Variants in CLDN14 observed in about 807,000 individuals in gnomAD.
CLDN14 encodes the protein claudin 14, also known as claudin-14.
In CLDN14, 2 loss-of-function variants were observed where a neutral mutation model predicts 2.1. That is an observed-to-expected ratio of 0.96 (90% CI 0.39 to 3.01). The LOEUF is 3.01. Among genes scored for constraint, CLDN14 ranks in the 30% most tolerant of loss-of-function variants. CLDN14 has a pLI of 0.09. For missense variants in CLDN14, 298 were observed against 328.0 expected, an observed-to-expected ratio of 0.91 and a Z score of 0.71; for synonymous variants, 136 against 154.4, an observed-to-expected ratio of 0.88 and a Z score of 0.88.
chr21:36,547,599 G>A (rs1042036851), intron 1 of CLDN14, among the ~76,000 whole-genome samples: 4 of 152,154 alleles, frequency 2.6e-5, no homozygotes, highest in Non-Finnish European at 5.9e-5. Flanking sequence ...TCAATTGTTC[G>A]AGAGCGAAGT....
chr21:36,510,985 C>T (rs1421610712), intron 1 of CLDN14, among the ~76,000 whole-genome samples: 1 of 152,230 alleles, frequency 6.6e-6, no homozygotes, highest in East Asian at 1.9e-4. Flanking sequence ...TCTACCTTCT[C>T]TATTGCCAGC....
intron 1 of CLDN14, among the ~76,000 whole-genome samples, chr21:36,523,372 C>G (rs6517359): frequency 0.8 from 121,080 of 152,128 alleles, 49,162 homozygotes; most frequent in Middle Eastern, 0.91. Flanking sequence ...TTCCCCCAAA[C>G]TTTTGCAAAC....
intron 1 of CLDN14, among the ~76,000 whole-genome samples, chr21:36,550,161 C>T (rs2087553431): frequency 6.6e-6 from 1 of 152,136 alleles, no homozygotes; most frequent in Non-Finnish European, 1.5e-5. Flanking sequence ...TTTCTAAATG[C>T]CCCAGAGTAC....
At chr21:36,526,582 CT>C (rs1445700163) in intron 1 of CLDN14, 1 of 152,166 alleles carries the variant, frequency 6.6e-6, no homozygotes, top group Admixed American at 6.5e-5. Flanking sequence ...CCAGTAGAAC[CT>C]GCTGGGATGT....
At position 36,544,071 on chromosome 21, in the gene CLDN14, C is replaced by T. The variant is rs775776265; in HGVS notation, c.-220+32340G>A. ...CTGCACTGGCTGAATTGCTAGCAGC[C>T]GGGTTTCAATTTGGGGACCCAATGG... is the stretch of plus-strand genomic sequence containing the variant. On this transcript the variant is annotated intron_variant, in intron 1 of 2. Transcript: ENST00000342108. This position sits in a 1 kb window ranked among gnomAD's most constrained non-coding sequence, Gnocchi z 4.1. Among the ~76,000 whole-genome samples, 1 of 152,244 alleles carries T rather than the reference C, an allele frequency of 6.6e-6. No individual in the cohort carries two copies. The highest frequency in any genetic ancestry group is 1.5e-5 in the Non-Finnish European group (1 of 68,040).
intron 1 of CLDN14, among the ~76,000 whole-genome samples, chr21:36,527,831 G>A (rs899482866): frequency 2.0e-4 from 30 of 152,056 alleles, no homozygotes; most frequent in African/African-American, 6.3e-4. Context: ...CTGTATCTCA[G>A]GGGGAAGAAA....
intron 1 of CLDN14, among the ~76,000 whole-genome samples, chr21:36,549,344 C>T (rs1250219596): frequency 6.6e-6 from 1 of 151,742 alleles, no homozygotes; most frequent in Non-Finnish European, 1.5e-5. Context: ...CTCGCTGAAG[C>T]CAAAAGTGGT....
intron 1 of CLDN14, among the ~76,000 whole-genome samples, chr21:36,554,791 C>G (rs943702222): frequency 6.6e-6 from 1 of 152,170 alleles, no homozygotes; most frequent in African/African-American, 2.4e-5. Flanking sequence ...GTGTTATCAT[C>G]AAGGAGGCAC....
intron 1 of CLDN14, among the ~76,000 whole-genome samples, chr21:36,571,447 C>A (rs2087709804): frequency 6.6e-6 from 1 of 152,188 alleles, no homozygotes; most frequent in Non-Finnish European, 1.5e-5. Flanking sequence ...GCTGTTATTT[C>A]TATTCTTTGT....
At chr21:36,467,409 T>C (rs1052411924) in intron 1 of CLDN14, among the ~76,000 whole-genome samples, 1 of 152,048 alleles carries the variant, frequency 6.6e-6, no homozygotes, top group Non-Finnish European at 1.5e-5. Context: ...GGTCCCTCCC[T>C]GGGCATGTCT....
chr21:36,485,788 A>C (rs1042927036), intron 2 of CLDN14: 3 of 341,312 alleles, frequency 8.8e-6, no homozygotes, highest in Admixed American at 4.5e-5. Flanking sequence ...AGAGCCTCTC[A>C]TTTCCCATCA....
At chr21:36,529,398 C>T (rs2087361630) in intron 1 of CLDN14, among the ~76,000 whole-genome samples, 1 of 152,098 alleles carries the variant, frequency 6.6e-6, no homozygotes, top group African/African-American at 2.4e-5. Context: ...AAGCGATTCT[C>T]CTGCCTCAGC....
At chr21:36,469,801 C>G (rs562777671) in intron 1 of CLDN14, among the ~76,000 whole-genome samples, 1 of 152,216 alleles carries the variant, frequency 6.6e-6, no homozygotes, top group East Asian at 1.9e-4. Flanking sequence ...TTTCAACTCA[C>G]CAAATTTCAT....
intron 2 of CLDN14, among the ~76,000 whole-genome samples, chr21:36,489,829 C>A (rs2086943208): frequency 6.6e-6 from 1 of 152,224 alleles, no homozygotes; most frequent in Non-Finnish European, 1.5e-5. Flanking sequence ...CCGGGCCTCA[C>A]CTGGGCCTCC....
chr21:36,524,602 G>A (rs2087308939), intron 1 of CLDN14, among the ~76,000 whole-genome samples: 1 of 152,212 alleles, frequency 6.6e-6, no homozygotes, highest in African/African-American at 2.4e-5. Context: ...TGAGGGGGAT[G>A]GGGAGTGTGG....
chr21:36,498,102 G>A lies in CLDN14; in HGVS notation c.-82+12261C>T, dbSNP rs1467737572. On this transcript the variant is annotated intron_variant, in intron 2 of 2. Coordinates refer to the CLDN14 transcript ENST00000342108. The surrounding 1 kb of genome is among the most constrained non-coding windows in gnomAD (Gnocchi z 4.9). ...GCAACCTCCACCGCCCGGGGTTCAA[G>A]CGATTCTCCTGTCTCAGCCTCATGA... 1.3e-5 allele frequency among the ~76,000 whole-genome samples: 2 copies of A among 152,026 alleles called. No homozygotes were observed. The highest frequency in any genetic ancestry group is 2.9e-5 in the Non-Finnish European group (2 of 68,010).
chr21:36,490,285 C>G lies in CLDN14; in HGVS notation c.-82+20078G>C, dbSNP rs117487724. Among the ~76,000 whole-genome samples the G allele has an allele frequency of 3.4e-3, 511 of 152,258 alleles. 17 individuals carry two copies. The East Asian group carries it at 0.08, about 24-fold the overall frequency. ...ATGGCTCGACCGTGGGTCACCGCAGCCTTGAGCTCCTGGGCTTAAGAGATC... is the reference window on the plus strand; with the variant it reads ...ATGGCTCGACCGTGGGTCACCGCAGGCTTGAGCTCCTGGGCTTAAGAGATC... On this transcript the variant is annotated intron_variant, in intron 2 of 2. Coordinates refer to the CLDN14 transcript ENST00000342108.
chr21:36,486,424 G>A, intron 2 of CLDN14: 1 of 1,324,542 alleles, frequency 7.5e-7, no homozygotes, highest in Non-Finnish European at 1.1e-6. Flanking sequence ...CGCTGCTGCT[G>A]CTCCTCCATA....
At chr21:36,528,222 T>C in intron 1 of CLDN14, among the ~76,000 whole-genome samples, 1 of 152,198 alleles carries the variant, frequency 6.6e-6, no homozygotes, top group East Asian at 1.9e-4. Flanking sequence ...GTATGAATAA[T>C]TATCACTAAC....
Sources: gnomAD v4.1 joint callset for allele counts (sites outside exome capture counted in the v4.1 genomes callset) on GRCh38, gnomAD v4.1.1 for gene constraint, Gnocchi (gnomAD v3.1) non-coding constraint, MANE v1.5 for transcripts, NCBI Gene and HGNC (gene_info 2026-07-23, HGNC 2026-07-21) for gene names.